Variants in PKP4 observed in about 807,000 individuals in gnomAD.
PKP4 encodes plakophilin-4.
Under a neutral mutation model 145.1 loss-of-function variants are expected in PKP4, and 90 were observed. That is an observed-to-expected ratio of 0.62 (90% CI 0.52 to 0.74). The LOEUF (loss-of-function observed/expected upper bound fraction) is 0.74. Among genes scored for constraint, PKP4 ranks in the 30% least tolerant of loss-of-function variants. The pLI is 0.00. For missense variants in PKP4, 1,340 were observed against 1,482.7 expected (o/e 0.90, Z 1.58); for synonymous variants, 563 against 577.2 (o/e 0.98, Z 0.35).
chr2:158,661,778 T>A, intron 13 of PKP4: 1 of 214,278 alleles, frequency 4.7e-6, no homozygotes, highest in Non-Finnish European at 9.5e-6. Context: ...AGTATTTGAG[T>A]ATCTACTGAC....
chr2:158,657,109 G>A (rs960822964), intron 11 of PKP4, among the ~76,000 whole-genome samples: 4 of 152,194 alleles, frequency 2.6e-5, no homozygotes, highest in Admixed American at 6.5e-5. Flanking sequence ...CTTGCCAAGG[G>A]TATGTCAGGA....
intron 1 of PKP4, among the ~76,000 whole-genome samples, chr2:158,464,034 C>G (rs542773645): frequency 5.9e-5 from 9 of 152,122 alleles, no homozygotes; most frequent in Non-Finnish European, 1.3e-4. Context: ...CAACCAGTCC[C>G]CTGTGCACAT....
chr2:158,570,828 A>G (rs1462032899), intron 2 of PKP4, among the ~76,000 whole-genome samples: 1 of 152,216 alleles, frequency 6.6e-6, no homozygotes, highest in Non-Finnish European at 1.5e-5. Flanking sequence ...AAAGAAAAAT[A>G]CTCAATGAAA....
intron 2 of PKP4, among the ~76,000 whole-genome samples, chr2:158,556,296 GT>G (rs1328667911): frequency 1.4e-4 from 22 of 152,296 alleles, no homozygotes; most frequent in African/African-American, 4.8e-4. Context: ...TAACAGCTCG[GT>G]GTGTTGTAAT....
At chr2:158,539,291 A>T (rs1281574036) in intron 2 of PKP4, among the ~76,000 whole-genome samples, 1 of 152,218 alleles carries the variant, frequency 6.6e-6, no homozygotes, top group Admixed American at 6.5e-5. Flanking sequence ...TAGCTTCAGT[A>T]ATTACACACC....
intron 1 of PKP4, among the ~76,000 whole-genome samples, chr2:158,468,558 T>C (rs1317554548): frequency 6.6e-6 from 1 of 152,104 alleles, no homozygotes; most frequent in Admixed American, 6.5e-5. Context: ...CACTTATATA[T>C]GATCATAGGT....
rs770704663 is a variant in PKP4, at chr2:158,525,939, A to T, written c.-5-7241A>T. ...CTCTCCCAAGACTAAACCAGGAAGA[A>T]GTTGAATCTCTGAATAGACCAATAA... On this transcript the variant is annotated intron_variant, in intron 1 of 21. Transcript: ENST00000389759. 8.9e-4 allele frequency among the ~76,000 whole-genome samples: 134 copies of T among 151,410 alleles called. 1 individual carries two copies. The highest frequency in any genetic ancestry group is 6.8e-3 in the Middle Eastern group (2 of 294).
At chr2:158,668,265 C>G (rs980590906) in intron 16 of PKP4, among the ~76,000 whole-genome samples, 3 of 151,758 alleles carry the variant, frequency 2.0e-5, no homozygotes, top group African/African-American at 7.3e-5. Flanking sequence ...TGAGATCTGC[C>G]TCACTCTTGG....
intron 9 of PKP4, among the ~76,000 whole-genome samples, chr2:158,635,377 CA>C (rs1450877748): frequency 6.6e-6 from 1 of 152,064 alleles, no homozygotes; most frequent in Non-Finnish European, 1.5e-5. Context: ...TAAGGAGTTT[CA>C]AAAATAACTT....
chr2:158,631,650 C>T, intron 7 of PKP4, 103 bp from the exon 8 acceptor site: 1 of 1,020,768 alleles, frequency 9.8e-7, no homozygotes, highest in Admixed American at 1.8e-5. Context: ...CTCTGTCTCC[C>T]AAAGTGCTGG....
chr2:158,599,152 G>GA lies in PKP4; in HGVS notation c.246-3911dup, dbSNP rs547523476. On this transcript the variant is annotated intron_variant, in intron 3 of 21. Coordinates refer to ENST00000389759, the MANE Select transcript of PKP4 (RefSeq NM_003628.6). ...AGAATGACATCAGAGGTGAGTGTTT[G>GA]AAAAAAATCGCAGTAGTAGCAGCGT... Among the ~76,000 whole-genome samples, 32 of 152,276 alleles carry GA rather than the reference G, an allele frequency of 2.1e-4. No homozygotes were observed. The East Asian group carries it at 2.9e-3, about 14-fold the overall frequency.
In PKP4 at chr2:158,663,367, T is replaced by C; in HGVS notation, c.2499T>C (p.Leu833=). The part of the protein sequence containing the change: ...HPSVVKPYLT[L]LAESSNPATL... ...CGGTGGTAAAACCATATCTGACTCT[T>C]CTAGCAGAAAGTTCCAACCCAGCCA... is the stretch of plus-strand genomic sequence containing the variant. The change falls in exon 15 of 22, where the codon CTT becomes CTC. Residue 833 remains leucine, a synonymous_variant. Transcript: ENST00000389759. The C allele has an allele frequency of 6.2e-7, 1 of 1,614,152 alleles. No homozygotes were observed. Among genetic ancestry groups the C allele is most frequent in the Non-Finnish European group, 8.5e-7 (1 of 1,180,002 alleles).
chr2:158,608,875 G>A (rs543589419), intron 4 of PKP4, among the ~76,000 whole-genome samples: 15 of 140,428 alleles, frequency 1.1e-4, no homozygotes, highest in East Asian at 4.2e-4. Context: ...GTTCGGTGGC[G>A]CCATTTTGGC....
At chr2:158,602,744 CG>C (rs1464982521) in intron 3 of PKP4, among the ~76,000 whole-genome samples, 25 of 151,900 alleles carry the variant, frequency 1.6e-4, no homozygotes, top group Admixed American at 9.8e-4. Context: ...ATATATGATA[CG>C]TATGTGGTTT....
intron 1 of PKP4, among the ~76,000 whole-genome samples, chr2:158,517,099 G>A (rs969189634): frequency 3.3e-5 from 5 of 152,192 alleles, no homozygotes; most frequent in Admixed American, 2.6e-4. Flanking sequence ...TGCTCTGCTA[G>A]TGATTTCATT....
chr2:158,584,328 A>G (rs979711421), intron 3 of PKP4, among the ~76,000 whole-genome samples: 2 of 152,158 alleles, frequency 1.3e-5, no homozygotes, highest in African/African-American at 2.4e-5. Flanking sequence ...AGTGCTGAAT[A>G]CCTTGGGGCC....
intron 20 of PKP4, 85 bp downstream of exon 20, chr2:158,676,952 T>C (rs751590067): frequency 1.5e-5 from 23 of 1,508,102 alleles, no homozygotes; most frequent in Non-Finnish European, 1.9e-5. Context: ...AAGTAGCCTG[T>C]GCTTGTATTG....
chr2:158,499,571 T>C (rs536917228), intron 1 of PKP4, among the ~76,000 whole-genome samples: 9 of 152,300 alleles, frequency 5.9e-5, no homozygotes, highest in Non-Finnish European at 5.9e-5. Context: ...TGAAGGATAA[T>C]TGGGCCTGTG....
chr2:158,652,192 C>T (rs1574977302), intron 11 of PKP4, among the ~76,000 whole-genome samples: 1 of 152,190 alleles, frequency 6.6e-6, no homozygotes, highest in Non-Finnish European at 1.5e-5. Flanking sequence ...TTCACTTCTT[C>T]GTACCAAGTC....
Sources: gnomAD v4.1 joint callset for allele counts (sites outside exome capture counted in the v4.1 genomes callset) on GRCh38, gnomAD v4.1.1 for gene constraint, MANE v1.5 for transcripts, NCBI Gene and HGNC (gene_info 2026-07-23, HGNC 2026-07-21) for gene names.